The following KANK1 variants were observed in gnomAD, a reference collection of about 807,000 sequenced individuals.
KANK1 encodes the protein KN motif and ankyrin repeat domains 1.
In KANK1, 109 loss-of-function variants were observed where a neutral mutation model predicts 106.2. That is an observed-to-expected ratio of 1.03 (90% confidence interval 0.88 to 1.20). KANK1 has a LOEUF of 1.20. Among genes scored for constraint, KANK1 ranks in the 50% most tolerant of loss-of-function variants. The pLI is 0.00. For synonymous variants in KANK1, 873 were observed against 652.2 expected (o/e 1.34, Z -5.16); for missense variants, 2,399 against 1,710.7 (o/e 1.40, Z -7.10).
chr9:516,543 C>T (rs1479002593), intron 1 of KANK1, among the ~76,000 whole-genome samples: 1 of 151,364 alleles, frequency 6.6e-6, no homozygotes, highest in Non-Finnish European at 1.5e-5. Flanking sequence ...TTATTAGAGT[C>T]AGTGGGGAGG....
Position 713,241 on chromosome 9 carries a change from C to G in KANK1, c.2475C>G (p.His825Gln). The stretch of plus-strand genomic sequence containing the variant: ...TTGGAATGATGACTGGCCTGGATCA[C>G]TACATTGAGCGTATCCAGAAGCTGC... Reference protein sequence around the residue: ...APLGMMTGLDHYIERIQKLLA... With the variant: ...APLGMMTGLDQYIERIQKLLA... The change falls in exon 3 of 12, where the codon CAC becomes CAG. Residue 825 changes from histidine to glutamine, a missense_variant. Transcript: ENST00000382297. The G allele has an allele frequency of 4.4e-6, 7 of 1,607,308 alleles. No individual in the cohort carries two copies. Among genetic ancestry groups the G allele is most frequent in the Non-Finnish European group, 5.9e-6 (7 of 1,177,070 alleles).
intron 1 of KANK1, among the ~76,000 whole-genome samples, chr9:528,105 C>T (rs568249622): frequency 6.7e-6 from 1 of 148,940 alleles, no homozygotes. Flanking sequence ...TGCACTCCAT[C>T]GAGCCTGGGC....
chr9:571,582 T>A (rs12684488), intron 1 of KANK1, among the ~76,000 whole-genome samples: 9,952 of 151,930 alleles, frequency 0.066, 864 homozygotes, highest in East Asian at 0.22. Context: ...AAAAAAATTT[T>A]AAAAACGTTT....
chr9:615,801 T>A (rs1330553556), intron 1 of KANK1, among the ~76,000 whole-genome samples: 1 of 152,190 alleles, frequency 6.6e-6, no homozygotes, highest in Non-Finnish European at 1.5e-5. Context: ...TCCCAAGTGA[T>A]ACCTAACCTA....
intron 2 of KANK1, among the ~76,000 whole-genome samples, chr9:699,400 C>A (rs968558778): frequency 6.6e-6 from 1 of 152,208 alleles, no homozygotes; most frequent in African/African-American, 2.4e-5. Context: ...ACAACTGCAT[C>A]TTCCTTACAT....
chr9:700,920 A>G (rs889998761), intron 2 of KANK1, among the ~76,000 whole-genome samples: 1 of 152,200 alleles, frequency 6.6e-6, no homozygotes, highest in East Asian at 1.9e-4. Context: ...TAATAATATC[A>G]AAGTCTCCTC....
At chr9:495,972 C>G (rs1035604494) in intron 3 of KANK1, among the ~76,000 whole-genome samples, 1 of 151,958 alleles carries the variant, frequency 6.6e-6, no homozygotes, top group East Asian at 1.9e-4. Flanking sequence ...TAATTAAACA[C>G]ACACACACAC....
intron 1 of KANK1, among the ~76,000 whole-genome samples, chr9:644,885 C>T (rs1044900286): frequency 4.0e-5 from 6 of 151,004 alleles, no homozygotes; most frequent in African/African-American, 1.5e-4. Context: ...CTTCGGGAGG[C>T]CGAGGTGGGC....
chr9:722,392 T>C (rs1371717084), intron 3 of KANK1, among the ~76,000 whole-genome samples: 1 of 152,170 alleles, frequency 6.6e-6, no homozygotes, highest in Non-Finnish European at 1.5e-5. Context: ...ATCCAGATCA[T>C]TGTATCTACA....
rs369874443 is a variant in KANK1 at position 711,211 on chromosome 9, A to G, written c.445A>G (p.Lys149Glu). The change falls in exon 3 of 12, where the codon AAG (lysine) becomes GAG (glutamate). Residue 149 changes from lysine to glutamate, a missense_variant. Physicochemically the swap from Lys to Glu is moderately conservative, Grantham distance 56. Transcript: ENST00000382297. ...QLPPPSPQLP[K>E]HNLHVTKTLM... The stretch of plus-strand genomic sequence containing the variant: ...GCCACCTCCCTCACCACAACTCCCA[A>G]AGCATAACCTTCATGTCACCAAGAC... 1.9e-6 allele frequency: 3 copies of G among 1,613,934 alleles called. No individual in the cohort carries two copies. Among genetic ancestry groups the G allele is most frequent in the Non-Finnish European group, 2.5e-6 (3 of 1,180,026 alleles).
chr9:672,955 A>G (rs1815535350), intron 1 of KANK1, among the ~76,000 whole-genome samples: 1 of 152,162 alleles, frequency 6.6e-6, no homozygotes, highest in Non-Finnish European at 1.5e-5. Context: ...ACTGGTTTGC[A>G]CTGTCCTCTG....
At chr9:645,462 G>T (rs1313593701) in intron 1 of KANK1, among the ~76,000 whole-genome samples, 1 of 122,434 alleles carries the variant, frequency 8.2e-6, no homozygotes, top group Admixed American at 8.1e-5. Flanking sequence ...AAAAAAAAAA[G>T]GCCTTAAGAT....
intron 1 of KANK1, among the ~76,000 whole-genome samples, chr9:657,938 A>G (rs529155376): frequency 6.6e-6 from 1 of 152,208 alleles, no homozygotes; most frequent in East Asian, 1.9e-4. Context: ...GCTGGAATGC[A>G]GTGGCTCTTC....
At chr9:553,793 T>C (rs969833949) in intron 1 of KANK1, among the ~76,000 whole-genome samples, 1 of 152,222 alleles carries the variant, frequency 6.6e-6, no homozygotes, top group East Asian at 1.9e-4. Flanking sequence ...TTACAAAATC[T>C]ATACTAAGAA....
chr9:605,669 C>G (rs1040831548), intron 1 of KANK1, among the ~76,000 whole-genome samples: 5 of 151,842 alleles, frequency 3.3e-5, no homozygotes, highest in Admixed American at 3.3e-4. Flanking sequence ...AGTGCCATGC[C>G]ATAGCAAAAT....
intron 1 of KANK1, among the ~76,000 whole-genome samples, chr9:621,174 C>T (rs997031988): frequency 9.9e-5 from 15 of 152,028 alleles, no homozygotes; most frequent in African/African-American, 3.4e-4. Flanking sequence ...TCTTTGGGGC[C>T]TCACCTAATA....
chr9:715,783 TTTTG>T (rs1391060043), intron 3 of KANK1, among the ~76,000 whole-genome samples: 1 of 152,256 alleles, frequency 6.6e-6, no homozygotes, highest in Non-Finnish European at 1.5e-5. Context: ...GTTTTCACCA[TTTTG>T]TTTAACGTTC....
At chr9:735,206 A>C (rs893629819) in intron 7 of KANK1, among the ~76,000 whole-genome samples, 3 of 151,958 alleles carry the variant, frequency 2.0e-5, no homozygotes, top group African/African-American at 7.2e-5. Flanking sequence ...TTTTTTTTTT[A>C]AGTTAGCATA....
intron 1 of KANK1, among the ~76,000 whole-genome samples, chr9:639,299 G>A (rs910288763): frequency 2.6e-5 from 4 of 151,978 alleles, no homozygotes; most frequent in Non-Finnish European, 4.4e-5. Context: ...ATGGAGATTT[G>A]ATCTTTGATT....
Sources: gnomAD v4.1 joint callset for allele counts (sites outside exome capture counted in the v4.1 genomes callset) on GRCh38, gnomAD v4.1.1 for gene constraint, MANE v1.5 for transcripts, NCBI Gene and HGNC (gene_info 2026-07-23, HGNC 2026-07-21) for gene names.